PTPRT: variants seen among roughly 807,000 people sequenced by gnomAD.
The protein encoded by PTPRT is protein tyrosine phosphatase receptor type T, also known as receptor-type tyrosine-protein phosphatase T.
A neutral mutation model predicts 176.8 loss-of-function variants in PTPRT; 56 were observed. That is an observed-to-expected ratio of 0.32 (90% CI 0.26 to 0.40). The LOEUF is 0.40. Among genes scored for constraint, PTPRT ranks in the 10% least tolerant of loss-of-function variants. PTPRT has a pLI of 1.00. For missense variants in PTPRT, 1,540 were observed against 1,908.2 expected, an observed-to-expected ratio of 0.81 and a Z score of 3.60; for synonymous variants, 783 against 739.0, an observed-to-expected ratio of 1.06 and a Z score of -0.96.
intron 6 of PTPRT, among the ~76,000 whole-genome samples, chr20:42,684,123 C>T (rs748390670): frequency 9.9e-5 from 15 of 152,112 alleles, no homozygotes; most frequent in Non-Finnish European, 2.1e-4. Flanking sequence ...GAGGCCAAGG[C>T]AGGAGGATCA....
chr20:43,152,424 G>A (rs2000136), intron 1 of PTPRT, among the ~76,000 whole-genome samples: 132,972 of 152,142 alleles, frequency 0.87, 58,690 homozygotes, highest in East Asian at 0.97. Context: ...TGAGTCAGGC[G>A]TCTTGTCCTG....
chr20:42,098,927 C>T (rs1351091437), intron 26 of PTPRT, among the ~76,000 whole-genome samples: 3 of 152,256 alleles, frequency 2.0e-5, no homozygotes, highest in Non-Finnish European at 4.4e-5. Flanking sequence ...ATCCCTGTGG[C>T]CACGATGCTG....
intron 7 of PTPRT, among the ~76,000 whole-genome samples, chr20:42,594,198 A>T (rs1178899583): frequency 2.6e-5 from 4 of 152,196 alleles, no homozygotes; most frequent in Non-Finnish European, 5.9e-5. Flanking sequence ...AAGAACAAGG[A>T]GTTCTAAGAA....
At chr20:42,832,546 G>C (rs924565016) in intron 2 of PTPRT, among the ~76,000 whole-genome samples, 1 of 150,240 alleles carries the variant, frequency 6.7e-6, no homozygotes, top group Non-Finnish European at 1.5e-5. Context: ...TTAATGTAGA[G>C]AGAAGAGATT....
At chr20:42,701,709 T>C (rs757980610) in intron 6 of PTPRT, among the ~76,000 whole-genome samples, 5 of 152,078 alleles carry the variant, frequency 3.3e-5, no homozygotes, top group South Asian at 2.1e-4. Flanking sequence ...ATGTCCGCAA[T>C]TGGAGAATGT....
Position 42,345,513 on chromosome 20 carries a change from CTATAGA to C in PTPRT, c.1865+5109_1865+5114del, listed in dbSNP as rs2058177545. On this transcript the variant is annotated intron_variant, in intron 11 of 30. Coordinates refer to ENST00000373187, the MANE Select transcript of PTPRT (RefSeq NM_007050.6). Reference sequence around the variant, plus strand: ...ATACACATATATATAAAACTAGTTACTATAGATATACATATATATATAAAACTAGTT... The same window carrying C: ...ATACACATATATATAAAACTAGTTACTATACATATATATATAAAACTAGTT... Among the ~76,000 whole-genome samples, 18 of 146,450 alleles carry C rather than the reference CTATAGA, an allele frequency of 1.2e-4. No homozygotes were observed. In the South Asian group the frequency reaches 3.7e-3, roughly 30 times the overall value.
intron 12 of PTPRT, among the ~76,000 whole-genome samples, chr20:42,294,936 A>G (rs1156833609): frequency 6.6e-6 from 1 of 152,198 alleles, no homozygotes; most frequent in Non-Finnish European, 1.5e-5. Context: ...GACAACAGAA[A>G]TGAGATATAG....
intron 16 of PTPRT, among the ~76,000 whole-genome samples, chr20:42,183,623 T>C (rs1990610698): frequency 6.6e-6 from 1 of 152,222 alleles, no homozygotes; most frequent in Admixed American, 6.5e-5. Flanking sequence ...CCCACCTCTA[T>C]GCCCCTGTAT....
At chr20:42,879,252 T>A (rs1000156825) in intron 2 of PTPRT, among the ~76,000 whole-genome samples, 2 of 152,198 alleles carry the variant, frequency 1.3e-5, no homozygotes, top group Non-Finnish European at 2.9e-5. Flanking sequence ...AAGTCCAAAA[T>A]CAGGGTATTG....
intron 1 of PTPRT, among the ~76,000 whole-genome samples, chr20:42,911,610 GA>G (rs1363512147): frequency 6.6e-6 from 1 of 152,012 alleles, no homozygotes; most frequent in African/African-American, 2.4e-5. Flanking sequence ...CTATGCACAT[GA>G]ATCTGTATGC....
At chr20:42,270,366 C>CCG in intron 13 of PTPRT, 2 of 1,333,560 alleles carry the variant, frequency 1.5e-6, no homozygotes, top group Non-Finnish European at 2.1e-6. Flanking sequence ...GCAACTCTCC[C>CCG]CTCCCACCCG....
Position 43,044,981 on chromosome 20 carries a change from G to A in PTPRT, c.88+144665C>T, listed in dbSNP as rs1322005905. Among the ~76,000 whole-genome samples the A allele has an allele frequency of 2.0e-5, 3 of 152,180 alleles. No individual in the cohort carries two copies. In the East Asian group the frequency reaches 5.8e-4, roughly 29 times the overall value. On this transcript the variant is annotated intron_variant, in intron 1 of 30. Transcript: ENST00000373187. ...TCTGGCATATGACTACTTAAGATGG[G>A]GTAACAGCCTCTAATTAAGCCTTAA... is the stretch of plus-strand genomic sequence containing the variant.
chr20:42,468,620 C>CT (rs200169169), intron 8 of PTPRT, among the ~76,000 whole-genome samples: 3 of 151,866 alleles, frequency 2.0e-5, no homozygotes, highest in Non-Finnish European at 2.9e-5. Flanking sequence ...TTGATAAAGG[C>CT]TTTTTTTTCT....
At chr20:42,613,771 C>T (rs1450480279) in intron 7 of PTPRT, among the ~76,000 whole-genome samples, 1 of 152,098 alleles carries the variant, frequency 6.6e-6, no homozygotes, top group Admixed American at 6.6e-5. Flanking sequence ...TTTCCTTTTC[C>T]TTTCTATTCA....
intron 7 of PTPRT, among the ~76,000 whole-genome samples, chr20:42,551,728 TG>T (rs2072774562): frequency 6.6e-6 from 1 of 152,134 alleles, no homozygotes; most frequent in Admixed American, 6.6e-5. Flanking sequence ...ACTTGTTGAA[TG>T]GGGGTCTGGC....
chr20:42,901,730 C>A (rs993342637), intron 1 of PTPRT, among the ~76,000 whole-genome samples: 1 of 152,176 alleles, frequency 6.6e-6, no homozygotes, highest in Non-Finnish European at 1.5e-5. Flanking sequence ...CTGGGTGTCA[C>A]TCCTCCTGCC....
chr20:43,167,148 C>T (rs1423351175), intron 1 of PTPRT, among the ~76,000 whole-genome samples: 1 of 152,166 alleles, frequency 6.6e-6, no homozygotes, highest in East Asian at 1.9e-4. Context: ...CTTAAAAATC[C>T]AAAGGCATTC....
intron 1 of PTPRT, among the ~76,000 whole-genome samples, chr20:42,994,931 A>G (rs559794763): frequency 1.3e-5 from 2 of 152,330 alleles, no homozygotes; most frequent in South Asian, 2.1e-4. Context: ...GCCTCAGATT[A>G]TGTGATGGGG....
At chr20:42,447,789 C>A (rs1372422529) in intron 9 of PTPRT, among the ~76,000 whole-genome samples, 1 of 152,162 alleles carries the variant, frequency 6.6e-6, no homozygotes, top group East Asian at 1.9e-4. Flanking sequence ...TCTGAAGAAT[C>A]CTGTGTCCCT....
Sources: allele counts gnomAD v4.1 joint callset (sites outside exome capture counted in the v4.1 genomes callset), GRCh38; gene constraint gnomAD v4.1.1; transcripts MANE v1.5; gene names NCBI Gene and HGNC (gene_info 2026-07-23, HGNC 2026-07-21).